The following ZFPM1 variants were observed in gnomAD, a reference collection of about 807,000 sequenced individuals.
The protein encoded by ZFPM1 is zinc finger protein, FOG family member 1.
ZFPM1 carries 28 observed loss-of-function variants against 46.3 expected under a neutral mutation model. That is an observed-to-expected ratio of 0.60 (90% confidence interval 0.45 to 0.83). ZFPM1 has a LOEUF of 0.83. ZFPM1 is among the 40% of genes least tolerant of loss of function. ZFPM1 has a pLI of 0.00. For missense variants in ZFPM1, 1,878 were observed against 1,432.4 expected (o/e 1.31, Z -5.02); for synonymous variants, 957 against 675.9 (o/e 1.42, Z -6.45).
At chr16:88,518,461 G>C (rs1911507842) in intron 4 of ZFPM1, among the ~76,000 whole-genome samples, 1 of 151,438 alleles carries the variant, frequency 6.6e-6, no homozygotes, top group African/African-American at 2.4e-5. Context: ...GATGGTGGGT[G>C]GATGGGTGGG....
chr16:88,511,732 T>G (rs1026257781), intron 3 of ZFPM1, among the ~76,000 whole-genome samples: 4 of 152,176 alleles, frequency 2.6e-5, no homozygotes, highest in African/African-American at 9.7e-5. Flanking sequence ...CACCACGGCC[T>G]CTATGTTCAG....
chr16:88,479,887 C>G (rs991567333), intron 1 of ZFPM1, among the ~76,000 whole-genome samples: 39 of 142,836 alleles, frequency 2.7e-4, no homozygotes, highest in Non-Finnish European at 5.4e-4. Flanking sequence ...GTACTTCCTC[C>G]CCCAGCCCTG....
At chr16:88,516,237 G>C (rs1911288510) in intron 4 of ZFPM1, 2 of 398,506 alleles carry the variant, frequency 5.0e-6, no homozygotes, top group Admixed American at 8.8e-5. Flanking sequence ...CTTAATGGTA[G>C]GGCTGAGGGG....
At chr16:88,454,409 A>G (rs900466325) in intron 1 of ZFPM1, among the ~76,000 whole-genome samples, 3 of 152,182 alleles carry the variant, frequency 2.0e-5, no homozygotes, top group Admixed American at 6.5e-5. Flanking sequence ...GTCCCAGCCA[A>G]GGCGGCATGG....
Position 88,532,801 on chromosome 16 carries a change from G to T in ZFPM1, c.1055G>T (p.Ser352Ile). Residue 352 changes from serine to isoleucine, a missense_variant, in exon 9 of 10, where the codon AGC (serine) becomes ATC (isoleucine). Physicochemically the swap from Ser to Ile is moderately radical, Grantham distance 142. Coordinates refer to ENST00000319555, the MANE Select transcript of ZFPM1 (RefSeq NM_153813.3). ...CCATGGCCCACAGGTGTCTGCCACA[G>T]CTGTGGCTTCATCTCCACCACAAGG... ...HTDTLSGVCHSCGFISTTRDI... is the reference protein window; with the variant it reads ...HTDTLSGVCHICGFISTTRDI... The T allele has an allele frequency of 6.2e-7, 1 of 1,613,276 alleles. No individual in the cohort carries two copies. Among genetic ancestry groups the T allele is most frequent in the African/African-American group, 1.3e-5 (1 of 75,042 alleles).
intron 1 of ZFPM1, among the ~76,000 whole-genome samples, chr16:88,481,546 G>C (rs1341989996): frequency 6.6e-6 from 1 of 152,096 alleles, no homozygotes; most frequent in Non-Finnish European, 1.5e-5. Flanking sequence ...TGGGTATTGG[G>C]ATGTGGTTGG....
intron 1 of ZFPM1, among the ~76,000 whole-genome samples, chr16:88,476,577 G>A (rs917112569): frequency 8.5e-5 from 13 of 152,124 alleles, no homozygotes; most frequent in Admixed American, 8.5e-4. Context: ...GAGCTGGGTA[G>A]GGGTTTGGCT....
chr16:88,495,200 G>A (rs1909867382), intron 3 of ZFPM1, among the ~76,000 whole-genome samples: 1 of 152,226 alleles, frequency 6.6e-6, no homozygotes. Context: ...CTGGGGTCCT[G>A]GGCTGGCCCA....
chr16:88,461,898 A>G (rs1428201283), intron 1 of ZFPM1, among the ~76,000 whole-genome samples: 3 of 152,142 alleles, frequency 2.0e-5, no homozygotes, highest in Non-Finnish European at 2.9e-5. Context: ...GAGGCGTGAC[A>G]TGTGTGAGGT....
rs1555529245 is a variant in ZFPM1 at position 88,533,286 on chromosome 16, C to T, written c.1328C>T (p.Ala443Val). The change falls in exon 10 of 10, where the codon GCG becomes GTG. Residue 443 changes from alanine to valine, a missense_variant. Coordinates refer to ENST00000319555, the MANE Select transcript of ZFPM1 (RefSeq NM_153813.3). ...LAEATNGEAR[A>V]EPLAQNGGSS... Reference sequence around the variant, plus strand: ...GAGGCCACCAACGGAGAGGCCAGAGCGGAGCCTCTGGCCCAGAATGGAGGC... The same window carrying T: ...GAGGCCACCAACGGAGAGGCCAGAGTGGAGCCTCTGGCCCAGAATGGAGGC... 2.2e-6 allele frequency: 3 copies of T among 1,390,518 alleles called. No individual in the cohort carries two copies. Among genetic ancestry groups the T allele is most frequent in the African/African-American group, 5.4e-5 (2 of 37,240 alleles). The allele number at this position is 1,390,518 out of a possible 1,614,324, so 86.1% of individuals were successfully genotyped here.
chr16:88,476,542 A>C (rs968036939), intron 1 of ZFPM1, among the ~76,000 whole-genome samples: 1 of 151,938 alleles, frequency 6.6e-6, no homozygotes, highest in Admixed American at 6.5e-5. Flanking sequence ...CAGCCAGGGC[A>C]GGGCCATTTT....
At chr16:88,508,171 C>A (rs746238781) in intron 3 of ZFPM1, among the ~76,000 whole-genome samples, 29 of 152,126 alleles carry the variant, frequency 1.9e-4, no homozygotes, top group Non-Finnish European at 3.8e-4. Flanking sequence ...GTGGCGCGCA[C>A]CTGTACTCCC....
Position 88,453,685 on chromosome 16 carries a change from C to G in ZFPM1, c.40+7C>G. 8.4e-7 allele frequency: 1 copy of G among 1,196,678 alleles called. No individual in the cohort carries two copies. Among genetic ancestry groups the G allele is most frequent in the Non-Finnish European group, 1.1e-6 (1 of 947,606 alleles). The allele number at this position is 1,196,678 out of a possible 1,614,324, so 74.1% of individuals were successfully genotyped here. A position where few individuals can be genotyped will look rare whatever the true frequency, so the allele number is the denominator to read the frequency against. On this transcript the variant is annotated splice_region_variant and intron_variant, in intron 1 of 9. Transcript: ENST00000319555. ...AACCCCCGGCAGATCAAGCGTGAGT[C>G]AAACTTTGCCCGCGGTCCCCTCCGC...
rs1913266051 is a variant in ZFPM1, at chr16:88,536,864, A to G, written c.*1885A>G. The G allele has an allele frequency of 6.6e-6, 1 of 152,308 alleles. No homozygotes were observed. Among genetic ancestry groups the G allele is most frequent in the South Asian group, 2.1e-4 (1 of 4,828 alleles). The allele number at this position is 152,308 out of a possible 1,614,324, so 9.4% of individuals were successfully genotyped here. On this transcript the variant is annotated 3_prime_UTR_variant, in exon 10 of 10. Transcript: ENST00000319555. ...CCCCTCAAGTCTGCTCATCATTTGC[A>G]TTGTTGTGCATGAATTTGCGTGGAG...
At chr16:88,526,722 A>T (rs1183837386) in intron 4 of ZFPM1, 92 bp from the exon 5 acceptor site, 2 of 1,370,082 alleles carry the variant, frequency 1.5e-6, no homozygotes, top group Non-Finnish European at 2.0e-6. Flanking sequence ...CGGGAGGCAG[A>T]TCCGTGTCAC....
At chr16:88,476,285 CCAAG>C (rs1227166216) in intron 1 of ZFPM1, among the ~76,000 whole-genome samples, 3 of 152,172 alleles carry the variant, frequency 2.0e-5, no homozygotes, top group Non-Finnish European at 4.4e-5. Context: ...ACACCCCCCT[CCAAG>C]CCAGCCACAC....
Position 88,534,122 on chromosome 16 carries a change from G to T in ZFPM1, c.2164G>T (p.Gly722Ter). 1 of 1,100,450 alleles carries T rather than the reference G, an allele frequency of 9.1e-7. No individual in the cohort carries two copies. Among genetic ancestry groups the T allele is most frequent in the Non-Finnish European group, 1.1e-6 (1 of 887,224 alleles). 68.2% of individuals were successfully genotyped at this position (1,100,450 alleles called of 1,614,324 possible). A position where few individuals can be genotyped will look rare whatever the true frequency, so the allele number is the denominator to read the frequency against. Residue 722 changes from glycine to a stop codon, truncating the protein, a stop_gained, in exon 10 of 10, where the codon GGA becomes TGA. Coordinates refer to ENST00000319555, the MANE Select transcript of ZFPM1 (RefSeq NM_153813.3). LOFTEE classifies it low-confidence loss of function (END_TRUNC). ...PPPRRPAAPPGPPGPAAPPAP... is the reference protein window; with the variant it reads ...PPPRRPAAPP ...GCCGCGCCGACCGGCCGCGCCCCCG[G>T]GACCCCCTGGGCCGGCCGCGCCCCC...
At position 88,532,067 on chromosome 16, in the gene ZFPM1, C is replaced by A; in HGVS notation, c.778C>A (p.Leu260Met). 1.9e-6 allele frequency: 3 copies of A among 1,612,482 alleles called. No homozygotes were observed. Among genetic ancestry groups the A allele is most frequent in the Non-Finnish European group, 2.5e-6 (3 of 1,179,726 alleles). The change falls in exon 7 of 10, where the codon CTG (leucine) becomes ATG (methionine). Residue 260 changes from leucine to methionine, a missense_variant. Leu to Met is a conservative substitution (Grantham distance 15, BLOSUM62 2). Transcript: ENST00000319555. Reference protein sequence around the residue: ...YRSERNLQAHLLYYCASRQGT... With the variant: ...YRSERNLQAHMLYYCASRQGT... ...CAGCGAGCGCAACCTGCAGGCGCAC[C>A]TGCTCTACTACTGCGCCAGCCGCCA... is the stretch of plus-strand genomic sequence containing the variant.
intron 1 of ZFPM1, among the ~76,000 whole-genome samples, chr16:88,458,133 T>C (rs1907639137): frequency 6.6e-6 from 1 of 151,998 alleles, no homozygotes; most frequent in South Asian, 2.1e-4. Flanking sequence ...GGAGCTAGAG[T>C]TGGAACCCAG....
Sources: allele counts gnomAD v4.1 joint callset (sites outside exome capture counted in the v4.1 genomes callset), GRCh38; gene constraint gnomAD v4.1.1; transcripts MANE v1.5; gene names NCBI Gene and HGNC (gene_info 2026-07-23, HGNC 2026-07-21).